The following PPHLN1 variants were observed in gnomAD, a reference collection of about 807,000 sequenced individuals.
PPHLN1 encodes periphilin 1, also known as periphilin-1.
Under a neutral mutation model 51.3 loss-of-function variants are expected in PPHLN1, and 29 were observed. That is an observed-to-expected ratio of 0.57 (90% confidence interval 0.42 to 0.77). The LOEUF (loss-of-function observed/expected upper bound fraction) is 0.77, where lower values mean the gene tolerates loss of function less well. Ranked by LOEUF, PPHLN1 falls within the 30% of genes least tolerant of loss-of-function variation. PPHLN1 has a pLI of 0.00. For missense variants in PPHLN1, 436 were observed against 438.4 expected (o/e 0.99, Z 0.05); for synonymous variants, 147 against 147.8 (o/e 0.99, Z 0.04).
chr12:42,446,053 A>G (rs1300008827), downstream of PPHLN1: 1 of 1,508,084 alleles, frequency 6.6e-7, no homozygotes, highest in East Asian at 2.6e-5. Context: ...AAATGAAGGA[A>G]ACGACCCTGC....
chr12:42,360,190 A>AAATGTCCCCAGT (rs1236086017), intron 4 of PPHLN1, among the ~76,000 whole-genome samples: 1 of 151,860 alleles, frequency 6.6e-6, no homozygotes, highest in African/African-American at 2.4e-5. Context: ...ATGTCTCCAG[A>AAATGTCCCCAGT]AATGTCCCCA....
At chr12:42,434,158 T>G (rs1293891431) in intron 9 of PPHLN1, among the ~76,000 whole-genome samples, 2 of 152,266 alleles carry the variant, frequency 1.3e-5, no homozygotes, top group Middle Eastern at 6.8e-3. Context: ...TGGAGACCAT[T>G]TTCCTTAGCA....
chr12:42,336,525 G>A (rs2070693250), intron 2 of PPHLN1, among the ~76,000 whole-genome samples: 1 of 152,210 alleles, frequency 6.6e-6, no homozygotes, highest in Non-Finnish European at 1.5e-5. Context: ...CAGACAGGCA[G>A]CTTCTGGTGT....
chr12:42,351,673 G>C (rs2073379767), intron 2 of PPHLN1, among the ~76,000 whole-genome samples: 8 of 151,960 alleles, frequency 5.3e-5, no homozygotes. Flanking sequence ...ATGTCATTTT[G>C]AACACCTGGC....
At chr12:42,448,206 T>A (rs2083382700), downstream of PPHLN1, 1 of 152,644 alleles carries the variant, frequency 6.6e-6, no homozygotes, top group African/African-American at 2.4e-5. Context: ...TCCATTAAAT[T>A]AGAGAAGTCT....
chr12:42,427,800 A>C (rs1415733059), intron 9 of PPHLN1, among the ~76,000 whole-genome samples: 1 of 152,222 alleles, frequency 6.6e-6, no homozygotes, highest in African/African-American at 2.4e-5. Context: ...AGCAAAAGGA[A>C]CAGTCAGCAA....
At chr12:42,331,792 T>C (rs1342227176) in intron 1 of PPHLN1, 1 of 152,246 alleles carries the variant, frequency 6.6e-6, no homozygotes, top group East Asian at 1.9e-4. Context: ...TAGATAACTT[T>C]TCTGGAGTAC....
intron 2 of PPHLN1, among the ~76,000 whole-genome samples, chr12:42,350,596 T>C (rs1281078643): frequency 2.6e-5 from 4 of 152,070 alleles, no homozygotes; most frequent in Non-Finnish European, 4.4e-5. Context: ...CTCAGCACTT[T>C]GGGAGGCCAA....
At chr12:42,329,171 G>T (rs1285244484) in intron 1 of PPHLN1, among the ~76,000 whole-genome samples, 1 of 149,696 alleles carries the variant, frequency 6.7e-6, no homozygotes, top group Non-Finnish European at 1.5e-5. Flanking sequence ...GCGCGATCTT[G>T]GCTCACTGCA....
intron 4 of PPHLN1, among the ~76,000 whole-genome samples, chr12:42,358,341 A>T (rs1185472708): frequency 6.6e-6 from 1 of 152,064 alleles, no homozygotes; most frequent in Non-Finnish European, 1.5e-5. Context: ...AAGTTCTTCT[A>T]TATTTTTCTC....
At chr12:42,419,024 A>G (rs925350861) in intron 9 of PPHLN1, among the ~76,000 whole-genome samples, 1 of 152,216 alleles carries the variant, frequency 6.6e-6, no homozygotes, top group Non-Finnish European at 1.5e-5. Context: ...CCACAAATAT[A>G]TAAAATCATT....
At chr12:42,332,323 A>T (rs1402227081) in intron 1 of PPHLN1, among the ~76,000 whole-genome samples, 3 of 152,230 alleles carry the variant, frequency 2.0e-5, no homozygotes, top group African/African-American at 7.2e-5. Flanking sequence ...CTATGGAGGT[A>T]TTTTGAAGTC....
chr12:42,360,372 C>G (rs2138422671), intron 4 of PPHLN1, among the ~76,000 whole-genome samples: 1 of 147,610 alleles, frequency 6.8e-6, no homozygotes, highest in African/African-American at 2.5e-5. Flanking sequence ...TTAGGTTTGT[C>G]CAGCGTTTCT....
chr12:42,430,006 T>G (rs1424056426), intron 9 of PPHLN1, among the ~76,000 whole-genome samples: 1 of 106,834 alleles, frequency 9.4e-6, no homozygotes, highest in African/African-American at 3.6e-5. Flanking sequence ...TAAAGTGATG[T>G]GTCTTTTTGT....
At chr12:42,433,237 C>G (rs2082194012) in intron 9 of PPHLN1, 16 of 736,264 alleles carry the variant, frequency 2.2e-5, no homozygotes, top group Non-Finnish European at 2.5e-6. Flanking sequence ...GAATATACCT[C>G]TACTTCATCT....
intron 9 of PPHLN1, among the ~76,000 whole-genome samples, chr12:42,438,724 C>T (rs537909740): frequency 3.0e-4 from 45 of 152,298 alleles, no homozygotes; most frequent in African/African-American, 1.1e-3. Flanking sequence ...GCCTCAGTCT[C>T]CCGAGTAGCT....
intron 9 of PPHLN1, among the ~76,000 whole-genome samples, chr12:42,423,675 G>A (rs1331250207): frequency 7.0e-6 from 1 of 142,694 alleles, no homozygotes; most frequent in African/African-American, 2.4e-5. Flanking sequence ...CTTTTAACAT[G>A]CAAATTTTTT....
intron 9 of PPHLN1, chr12:42,432,450 C>T (rs1187675184): frequency 1.3e-6 from 1 of 763,080 alleles, no homozygotes; most frequent in Non-Finnish European, 2.5e-6. Context: ...ATACTGTCTT[C>T]TCTGGGTAGT....
chr12:42,437,333 A>G (rs779580974), intron 9 of PPHLN1, among the ~76,000 whole-genome samples: 3 of 152,094 alleles, frequency 2.0e-5, no homozygotes, highest in Non-Finnish European at 4.4e-5. Context: ...TCCTCTTTCC[A>G]TCATCATCAC....
Sources: gnomAD v4.1 joint callset for allele counts (sites outside exome capture counted in the v4.1 genomes callset) on GRCh38, gnomAD v4.1.1 for gene constraint, MANE v1.5 for transcripts, NCBI Gene and HGNC (gene_info 2026-07-23, HGNC 2026-07-21) for gene names.